Variants in DPYSL5 observed in about 807,000 individuals in gnomAD.
DPYSL5 encodes the protein dihydropyrimidinase like 5.
Under a neutral mutation model 58.4 loss-of-function variants are expected in DPYSL5, and 9 were observed. The observed-to-expected ratio is 0.15, with a 90% CI of 0.09 to 0.27. The LOEUF (loss-of-function observed/expected upper bound fraction) is 0.27, where lower values mean the gene tolerates loss of function less well. DPYSL5 is among the 10% of genes least tolerant of loss of function. The pLI is 1.00. For missense variants in DPYSL5, 499 were observed against 770.6 expected (o/e 0.65, Z 4.17); for synonymous variants, 293 against 301.9 (o/e 0.97, Z 0.31).
chr2:26,947,056 C>A lies in DPYSL5; in HGVS notation c.*61C>A. On this transcript the variant is annotated 3_prime_UTR_variant, in exon 13 of 13. Transcript: ENST00000288699. The surrounding 1 kb of genome is among the most constrained non-coding windows in gnomAD (Gnocchi z 4.2). ...CCGCCACCAGCCCGCAACTCTCCAG[C>A]CGAAGCTGCAGGGGCAGGAGAGGCT... is the stretch of plus-strand genomic sequence containing the variant. The A allele has an allele frequency of 4.2e-6, 6 of 1,438,040 alleles. No individual in the cohort carries two copies. Among genetic ancestry groups the A allele is most frequent in the Non-Finnish European group, 5.8e-6 (6 of 1,035,420 alleles). The allele number at this position is 1,438,040 out of a possible 1,614,324, so 89.1% of individuals were successfully genotyped here. A position where few individuals can be genotyped will look rare whatever the true frequency, so the allele number is the denominator to read the frequency against.
At chr2:26,867,388 A>C (rs1317425336) in intron 1 of DPYSL5, among the ~76,000 whole-genome samples, 2 of 152,022 alleles carry the variant, frequency 1.3e-5, no homozygotes, top group Non-Finnish European at 2.9e-5. Context: ...GGATAATGCT[A>C]CAATTTAGTC....
rs1572726115 is a variant in DPYSL5 at position 26,946,821 on chromosome 2, T to C, written c.1610-89T>C. 8 of 965,608 alleles carry C rather than the reference T, an allele frequency of 8.3e-6. No individual in the cohort carries two copies. The East Asian group carries it at 2.0e-4, about 25-fold the overall frequency. The allele number at this position is 965,608 out of a possible 1,614,324, so 59.8% of individuals were successfully genotyped here. On this transcript the variant is annotated intron_variant, in intron 12 of 12. Transcript: ENST00000288699. ...TGGCTGTGAGGATTCACTCAGGCCA[T>C]GCACACAGTGAGCCTCCAGGAGAGG...
intron 1 of DPYSL5, among the ~76,000 whole-genome samples, chr2:26,857,225 G>T (rs1429380956): frequency 6.6e-6 from 1 of 152,004 alleles, no homozygotes; most frequent in East Asian, 1.9e-4. Flanking sequence ...ATTTTGAATT[G>T]TGTGATTTCT....
At chr2:26,908,646 A>T (rs1234113903) in intron 2 of DPYSL5, among the ~76,000 whole-genome samples, 1 of 152,262 alleles carries the variant, frequency 6.6e-6, no homozygotes, top group African/African-American at 2.4e-5. Flanking sequence ...CAAAGAATTT[A>T]TCAATGCAGA....
intron 1 of DPYSL5, among the ~76,000 whole-genome samples, chr2:26,891,723 A>C (rs1663885834): frequency 6.6e-6 from 1 of 151,802 alleles, no homozygotes; most frequent in African/African-American, 2.4e-5. Flanking sequence ...CCCAGGCTGG[A>C]GTATAGTGGC....
chr2:26,868,609 G>T (rs939990017), intron 1 of DPYSL5, among the ~76,000 whole-genome samples: 3 of 152,140 alleles, frequency 2.0e-5, no homozygotes, highest in Non-Finnish European at 2.9e-5. Flanking sequence ...CCACTGAATT[G>T]AAATATCACT....
At position 26,902,098 on chromosome 2, in the gene DPYSL5, G is replaced by A. The variant is rs114981719; in HGVS notation, c.261+3338G>A. ...AGGCCCAGAACTAGGGTTTCCAGAC[G>A]GTGCCAGGACCACCTGCTGGCTAAC... On this transcript the variant is annotated intron_variant, in intron 2 of 12. Coordinates refer to ENST00000288699, the MANE Select transcript of DPYSL5 (RefSeq NM_020134.4). 9.9e-3 allele frequency among the ~76,000 whole-genome samples: 1,501 copies of A among 152,044 alleles called. 30 individuals are homozygous for A. The highest frequency in any genetic ancestry group is 0.035 in the African/African-American group (1,431 of 41,438).
chr2:26,925,675 C>T lies in DPYSL5; in HGVS notation c.420+630C>T, dbSNP rs1168658092. The stretch of plus-strand genomic sequence containing the variant: ...TGGCCTCTGGCTTTCCTGTCCTCCC[C>T]CTGCCCAGGCCCCAGGGTCAGAGTC... On this transcript the variant is annotated intron_variant, in intron 3 of 12. Coordinates refer to ENST00000288699, the MANE Select transcript of DPYSL5 (RefSeq NM_020134.4). This position sits in a 1 kb window ranked among gnomAD's most constrained non-coding sequence, Gnocchi z 4.5. Among the ~76,000 whole-genome samples, 2 of 152,174 alleles carry T rather than the reference C, an allele frequency of 1.3e-5. No individual in the cohort carries two copies. The highest frequency in any genetic ancestry group is 1.9e-4 in the East Asian group (1 of 5,196).
chr2:26,905,153 G>T lies in DPYSL5; in HGVS notation c.261+6393G>T, dbSNP rs1367460281. ...GTGTCTCAGAATGGATTTGCATCAGGCAGGCAGCTGAGCGAGGTCTCTGCC... is the reference window on the plus strand; with the variant it reads ...GTGTCTCAGAATGGATTTGCATCAGTCAGGCAGCTGAGCGAGGTCTCTGCC... On this transcript the variant is annotated intron_variant, in intron 2 of 12. Transcript: ENST00000288699. This position sits in a 1 kb window ranked among gnomAD's most constrained non-coding sequence, Gnocchi z 4.0. 6.6e-6 allele frequency among the ~76,000 whole-genome samples: 1 copy of T among 152,144 alleles called. No homozygotes were observed. The highest frequency in any genetic ancestry group is 1.5e-5 in the Non-Finnish European group (1 of 68,028).
intron 2 of DPYSL5, among the ~76,000 whole-genome samples, chr2:26,922,992 T>C (rs1380479310): frequency 6.6e-6 from 1 of 152,192 alleles, no homozygotes; most frequent in African/African-American, 2.4e-5. Context: ...TCATGGAACA[T>C]CAAGGTTGTG....
chr2:26,932,819 C>A (rs929000036), intron 6 of DPYSL5, among the ~76,000 whole-genome samples: 1 of 152,208 alleles, frequency 6.6e-6, no homozygotes, highest in Non-Finnish European at 1.5e-5. Context: ...AGGGTGCATT[C>A]TGTCTACTGA....
chr2:26,867,570 C>G (rs1041827218), intron 1 of DPYSL5, among the ~76,000 whole-genome samples: 1 of 151,082 alleles, frequency 6.6e-6, no homozygotes, highest in Non-Finnish European at 1.5e-5. Flanking sequence ...ATTCTCCTGC[C>G]TCAGCCTCCC....
At chr2:26,930,688 G>C (rs559492661) in intron 5 of DPYSL5, among the ~76,000 whole-genome samples, 97 of 151,998 alleles carry the variant, frequency 6.4e-4, no homozygotes, top group African/African-American at 2.3e-3. Context: ...AATTAGCCAA[G>C]CATGGGCCGG....
In DPYSL5 at chr2:26,925,596, A is replaced by C. The variant is rs4665926; in HGVS notation, c.420+551A>C. Among the ~76,000 whole-genome samples the C allele has an allele frequency of 2.0e-5, 3 of 152,184 alleles. No individual in the cohort carries two copies. Among genetic ancestry groups the C allele is most frequent in the African/African-American group, 7.2e-5 (3 of 41,434 alleles). On this transcript the variant is annotated intron_variant, in intron 3 of 12. Coordinates refer to ENST00000288699, the MANE Select transcript of DPYSL5 (RefSeq NM_020134.4). The surrounding 1 kb of genome is among the most constrained non-coding windows in gnomAD (Gnocchi z 4.5). ...GTCCTGGTCTGTGACTGAGGCTGGC[A>C]CCCCCTGAGCCTTTCTCAGTTCAGC...
chr2:26,898,488 T>G lies in DPYSL5; in HGVS notation c.-4-8T>G. 6.2e-7 allele frequency: 1 copy of G among 1,612,628 alleles called. No individual in the cohort carries two copies. Among genetic ancestry groups the G allele is most frequent in the South Asian group, 1.1e-5 (1 of 91,012 alleles). On this transcript the variant is annotated splice_polypyrimidine_tract_variant and splice_region_variant and intron_variant, in intron 1 of 12. Transcript: ENST00000288699. This position sits in a 1 kb window ranked among gnomAD's most constrained non-coding sequence, Gnocchi z 6.1. ...ACTTTGACCTTGACCATGCTCACCT[T>G]CTTGTAGGAACATGCTTGCCAACTC... is the stretch of plus-strand genomic sequence containing the variant.
chr2:26,941,816 C>T (rs763171947), intron 9 of DPYSL5, 134 bp from the exon 10 acceptor site: 158 of 1,196,978 alleles, frequency 1.3e-4, no homozygotes, highest in Non-Finnish European at 1.8e-4. Context: ...AGATGGTGCT[C>T]ATGGCCTTGT....
intron 5 of DPYSL5, among the ~76,000 whole-genome samples, chr2:26,929,619 G>C (rs1424261549): frequency 6.6e-6 from 1 of 152,204 alleles, no homozygotes; most frequent in African/African-American, 2.4e-5. Context: ...TGGAAAAATC[G>C]TGTTCCACGA....
In DPYSL5 at chr2:26,944,738, G is replaced by A; in HGVS notation, c.1523G>A (p.Gly508Glu). The A allele has an allele frequency of 6.2e-7, 1 of 1,614,060 alleles. No individual in the cohort carries two copies. The highest frequency in any genetic ancestry group is 8.5e-7 in the Non-Finnish European group (1 of 1,180,002). The part of the protein sequence containing the change: ...VVVHPGKKEM[G>E]TPLADTPTRP... Reference sequence around the variant, plus strand: ...GTGCACCCTGGGAAAAAAGAGATGGGAACCCCACTCGCAGACACTCCTACC... The same window carrying A: ...GTGCACCCTGGGAAAAAAGAGATGGAAACCCCACTCGCAGACACTCCTACC... Residue 508 changes from glycine (G) to glutamate (E), a missense_variant, in exon 12 of 13, where the codon GGA becomes GAA. Coordinates refer to ENST00000288699, the MANE Select transcript of DPYSL5 (RefSeq NM_020134.4). The surrounding 1 kb of genome is among the most constrained non-coding windows in gnomAD (Gnocchi z 4.4).
chr2:26,921,229 C>T (rs1246200740), intron 2 of DPYSL5, among the ~76,000 whole-genome samples: 2 of 152,150 alleles, frequency 1.3e-5, no homozygotes, highest in Admixed American at 1.3e-4. Flanking sequence ...CTCGGCCTGG[C>T]GTGGTGGCTC....
Sources: gnomAD v4.1 joint callset for allele counts (sites outside exome capture counted in the v4.1 genomes callset) on GRCh38, gnomAD v4.1.1 for gene constraint, Gnocchi (gnomAD v3.1) non-coding constraint, MANE v1.5 for transcripts, NCBI Gene and HGNC (gene_info 2026-07-23, HGNC 2026-07-21) for gene names.